CCDC112: variants seen among roughly 807,000 people sequenced by gnomAD.
The protein encoded by CCDC112 is coiled-coil domain containing 112, also known as coiled-coil domain-containing protein 112.
In CCDC112, 40 loss-of-function variants were observed where a neutral mutation model predicts 66.3. The ratio of observed to expected loss-of-function variants is 0.60; its 90% CI spans 0.47 to 0.79. CCDC112 has a LOEUF of 0.79. Ranked by LOEUF, CCDC112 falls within the 30% of genes least tolerant of loss-of-function variation. CCDC112 has a pLI of 0.00. For synonymous variants in CCDC112, 214 were observed against 197.2 expected, an observed-to-expected ratio of 1.09 and a Z score of -0.71; for missense variants, 659 against 603.8, an observed-to-expected ratio of 1.09 and a Z score of -0.96.
At chr5:115,295,005 C>A (rs1750088924) in intron 1 of CCDC112, among the ~76,000 whole-genome samples, 1 of 152,122 alleles carries the variant, frequency 6.6e-6, no homozygotes, top group South Asian at 2.1e-4. Context: ...TCAATCTCAG[C>A]ACTACTAACT....
At chr5:115,282,564 T>C (rs1749501821) in intron 2 of CCDC112, among the ~76,000 whole-genome samples, 1 of 152,108 alleles carries the variant, frequency 6.6e-6, no homozygotes, top group East Asian at 1.9e-4. Context: ...AATTCCTTGT[T>C]ATCTAAGACA....
Position 115,275,535 on chromosome 5 carries a change from G to C in CCDC112, c.599C>G (p.Thr200Arg). 6.2e-7 allele frequency: 1 copy of C among 1,613,750 alleles called. No homozygotes were observed. The highest frequency in any genetic ancestry group is 1.1e-5 in the South Asian group (1 of 91,072). Residue 200 changes from threonine (T) to arginine (R), a missense_variant, in exon 6 of 10, where the codon ACA (threonine) becomes AGA (arginine). Thr to Arg is a moderately conservative substitution (Grantham distance 71, BLOSUM62 -1). Transcript: ENST00000379611. ...ELSAISRKID[T>R]WALGNSETEK... is the part of the protein sequence containing the mutation. The stretch of plus-strand genomic sequence containing the variant: ...TGTTTCTGAATTACCCAAAGCCCAT[G>C]TGTCAATTTTTCTTGATATGGCACT...
chr5:115,272,656 C>G (rs77445030), intron 6 of CCDC112, among the ~76,000 whole-genome samples: 2,836 of 152,304 alleles, frequency 0.019, 80 homozygotes, highest in African/African-American at 0.064. Context: ...TAGCAGGCTT[C>G]TCCATGCCAT....
rs1748888882 is a variant in CCDC112 at position 115,268,959 on chromosome 5, T to C, written c.1470A>G (p.Lys490=). 9 of 1,605,274 alleles carry C rather than the reference T, an allele frequency of 5.6e-6. No homozygotes were observed. In the East Asian group the frequency reaches 1.8e-4, roughly 33 times the overall value. The change falls in exon 9 of 10, where the codon AAA becomes AAG. Residue 490 remains lysine (K), a synonymous_variant. Coordinates refer to ENST00000379611, the MANE Select transcript of CCDC112 (RefSeq NM_001040440.3). ...NVSRDPSRLY[K]PTKGWEERTK... ...TTCGTTCTTCCCAACCTTTGGTGGG[T>C]TTGTAAAGCCTAGAGGGATCTCTAC...
At chr5:115,283,415 A>C (rs1350498695) in intron 2 of CCDC112, among the ~76,000 whole-genome samples, 1 of 152,074 alleles carries the variant, frequency 6.6e-6, no homozygotes, top group Non-Finnish European at 1.5e-5. Context: ...ATTTCACTTA[A>C]CATAATGAAA....
intron 7 of CCDC112, among the ~76,000 whole-genome samples, chr5:115,270,206 TTAGGAAGATTTTTATA>T (rs1363387887): frequency 6.6e-6 from 1 of 152,114 alleles, no homozygotes; most frequent in Non-Finnish European, 1.5e-5. Context: ...CTTTTGTTAC[TTAGGAAGATTTTTATA>T]TATGAACTAA....
chr5:115,272,559 C>T (rs902674853), intron 6 of CCDC112, among the ~76,000 whole-genome samples: 2 of 152,022 alleles, frequency 1.3e-5, no homozygotes, highest in African/African-American at 4.8e-5. Context: ...ATAGTGCTTC[C>T]GAAGTATGTA....
At chr5:115,294,318 G>C (rs1280995825) in intron 1 of CCDC112, among the ~76,000 whole-genome samples, 2 of 152,140 alleles carry the variant, frequency 1.3e-5, no homozygotes, top group Non-Finnish European at 2.9e-5. Flanking sequence ...TGTTAAATGA[G>C]GTCATTAAGG....
At position 115,284,769 on chromosome 5, in the gene CCDC112, T is replaced by A; in HGVS notation, c.239+18A>T. 6.4e-7 allele frequency: 1 copy of A among 1,573,038 alleles called. No individual in the cohort carries two copies. The highest frequency in any genetic ancestry group is 8.7e-7 in the Non-Finnish European group (1 of 1,144,614). The stretch of plus-strand genomic sequence containing the variant: ...AATGGCTAGTAATGTTATTTGAAGA[T>A]TATATTCTTATACTTACTGATTTTT... On this transcript the variant is annotated intron_variant, in intron 2 of 9. Coordinates refer to ENST00000379611, the MANE Select transcript of CCDC112 (RefSeq NM_001040440.3).
At chr5:115,269,536 G>C (rs1748910871) in intron 8 of CCDC112, 167 bp downstream of exon 8, 2 of 536,344 alleles carry the variant, frequency 3.7e-6, no homozygotes, top group Non-Finnish European at 6.5e-6. Context: ...AATAATGGTT[G>C]CTTAAATTGT....
At chr5:115,293,689 G>A (rs1750031269) in intron 1 of CCDC112, among the ~76,000 whole-genome samples, 1 of 152,108 alleles carries the variant, frequency 6.6e-6, no homozygotes, top group Admixed American at 6.5e-5. Flanking sequence ...ATTACACCAG[G>A]TCCACTCAGA....
chr5:115,284,495 C>T (rs1448246907), intron 2 of CCDC112, among the ~76,000 whole-genome samples: 1 of 152,056 alleles, frequency 6.6e-6, no homozygotes, highest in African/African-American at 2.4e-5. Context: ...TAGATTAAGT[C>T]TGTTATTCGT....
rs543099093 is a variant in CCDC112 at position 115,268,832 on chromosome 5, C to T, written c.1547+50G>A. The T allele has an allele frequency of 5.2e-6, 5 of 965,738 alleles. No individual in the cohort carries two copies. The South Asian group carries it at 9.0e-5, about 17-fold the overall frequency. The allele number at this position is 965,738 out of a possible 1,614,324, so 59.8% of individuals were successfully genotyped here. Reference sequence around the variant, plus strand: ...ATATAGTAAGTGCATAAAATATAAACATGCAGCAATTAAATTACTAAATGA... The same window carrying T: ...ATATAGTAAGTGCATAAAATATAAATATGCAGCAATTAAATTACTAAATGA... On this transcript the variant is annotated intron_variant, in intron 9 of 9. Coordinates refer to ENST00000379611, the MANE Select transcript of CCDC112 (RefSeq NM_001040440.3).
Position 115,284,907 on chromosome 5 carries a change from C to T in CCDC112, c.119G>A (p.Ser40Asn), listed in dbSNP as rs746346032. ...ACCTGAAGTACTAAAACAGCCATCACTCTGCATTGAGAACAAGAAAAACTT... is the reference window on the plus strand; with the variant it reads ...ACCTGAAGTACTAAAACAGCCATCATTCTGCATTGAGAACAAGAAAAACTT... ...GVGATPAPQQ[S>N]DGCFSTSGGI... The change falls in exon 2 of 10, where the codon AGT (serine) becomes AAT (asparagine). Residue 40 changes from serine (S) to asparagine (N), a missense_variant and splice_region_variant. By Grantham distance (46) the Ser-to-Asn change is conservative. Coordinates refer to ENST00000379611, the MANE Select transcript of CCDC112 (RefSeq NM_001040440.3). 5 of 1,610,750 alleles carry T rather than the reference C, an allele frequency of 3.1e-6. No individual in the cohort carries two copies. Among genetic ancestry groups the T allele is most frequent in the Non-Finnish European group, 4.2e-6 (5 of 1,178,016 alleles).
At chr5:115,269,615 G>A in intron 8 of CCDC112, 88 bp downstream of exon 8, 1 of 855,212 alleles carries the variant, frequency 1.2e-6, no homozygotes, top group Non-Finnish European at 1.8e-6. Context: ...AATAAGGTGA[G>A]ATATAAAGGA....
rs756047486 is a variant in CCDC112, at chr5:115,275,213, T to C, written c.918+3A>G. The C allele has an allele frequency of 8.8e-6, 14 of 1,593,508 alleles. No homozygotes were observed. In the East Asian group the frequency reaches 3.1e-4, roughly 36 times the overall value. ...AATGAATAATAGCTATTATAATTATTACCTCTTTTTTTCTTTCTTCTAGAG... is the reference window on the plus strand; with the variant it reads ...AATGAATAATAGCTATTATAATTATCACCTCTTTTTTTCTTTCTTCTAGAG... On this transcript the variant is annotated splice_donor_region_variant and intron_variant, in intron 6 of 9. Transcript: ENST00000379611.
rs35940728 is a variant in CCDC112 at position 115,275,504 on chromosome 5, T to C, written c.630A>G (p.Lys210=). Residue 210 remains lysine, a synonymous_variant, in exon 6 of 10, where the codon AAA becomes AAG. Transcript: ENST00000379611. Reference sequence around the variant, plus strand: ...CTTTGCTTGAGATTGCTCTGAAAGCTTTCTCTGTTTCTGAATTACCCAAAG... The same window carrying C: ...CTTTGCTTGAGATTGCTCTGAAAGCCTTCTCTGTTTCTGAATTACCCAAAG... ...TWALGNSETE[K]AFRAISSKVP... is the part of the protein sequence containing the mutation. The C allele has an allele frequency of 2.4e-3, 3,925 of 1,614,010 alleles. 82 individuals carry two copies. In the African/African-American group the frequency reaches 0.046, roughly 19 times the overall value.
At chr5:115,268,713 ATATT>A (rs1447955523) in intron 9 of CCDC112, among the ~76,000 whole-genome samples, 165 bp downstream of exon 9, 3 of 148,086 alleles carry the variant, frequency 2.0e-5, no homozygotes, top group South Asian at 4.2e-4. Context: ...AATATGTTAT[ATATT>A]TATATAAAAA....
rs1316415648 is a variant in CCDC112, at chr5:115,271,555, GT to G, written c.989del (p.Asp330AlafsTer38). On this transcript the variant is annotated frameshift_variant, in exon 7 of 10. Coordinates refer to ENST00000379611, the MANE Select transcript of CCDC112 (RefSeq NM_001040440.3). LOFTEE classifies it high-confidence loss of function. ...TATTATGAAAAAGCACAGGTGTGTT[GT>G]CTGCCTTTTCCTTTAACTTGAAAAT... is the stretch of plus-strand genomic sequence containing the variant. ...EEIFKLKEKADNTPVLFHNKQ... is the reference protein window; with the variant it reads ...EEIFKLKEKAXNTPVLFHNKQ... The G allele has an allele frequency of 6.3e-7, 1 of 1,591,534 alleles. No homozygotes were observed. The highest frequency in any genetic ancestry group is 1.2e-5 in the South Asian group (1 of 85,170).
Sources: gnomAD v4.1 joint callset for allele counts (sites outside exome capture counted in the v4.1 genomes callset) on GRCh38, gnomAD v4.1.1 for gene constraint, MANE v1.5 for transcripts, NCBI Gene and HGNC (gene_info 2026-07-23, HGNC 2026-07-21) for gene names.